Variants in CRACD observed in about 807,000 individuals in gnomAD.
CRACD encodes the protein capping protein-inhibiting regulator of actin dynamics.
A neutral mutation model predicts 106.8 loss-of-function variants in CRACD; 56 were observed. The observed-to-expected ratio is 0.52, with a 90% confidence interval of 0.42 to 0.66. The LOEUF (loss-of-function observed/expected upper bound fraction) is 0.66, where lower values mean the gene tolerates loss of function less well. Among genes scored for constraint, CRACD ranks in the 30% least tolerant of loss-of-function variants. CRACD has a pLI of 0.00. For synonymous variants in CRACD, 754 were observed against 670.8 expected, an observed-to-expected ratio of 1.12 and a Z score of -1.92; for missense variants, 1,730 against 1,623.2, an observed-to-expected ratio of 1.07 and a Z score of -1.13.
intron 2 of CRACD, among the ~76,000 whole-genome samples, chr4:56,228,683 C>T (rs987977537): frequency 5.4e-5 from 8 of 147,150 alleles, no homozygotes; most frequent in Non-Finnish European, 9.2e-5. Context: ...GTGTGGGTTG[C>T]GGAGAAATCG....
chr4:56,103,228 G>A (rs1436265039), intron 1 of CRACD, among the ~76,000 whole-genome samples: 1 of 152,310 alleles, frequency 6.6e-6, no homozygotes, highest in Non-Finnish European at 1.5e-5. Flanking sequence ...TTCAGGAAAA[G>A]AACAGTACCA....
At chr4:56,283,488 A>G (rs1363251390) in intron 3 of CRACD, among the ~76,000 whole-genome samples, 2 of 152,138 alleles carry the variant, frequency 1.3e-5, no homozygotes, top group East Asian at 3.8e-4. Context: ...CCTAGGGCAG[A>G]AATCAAAAGG....
chr4:56,159,198 A>AT (rs1735862755), intron 1 of CRACD, among the ~76,000 whole-genome samples: 1 of 152,252 alleles, frequency 6.6e-6, no homozygotes, highest in South Asian at 2.1e-4. Flanking sequence ...ACTGACTGCT[A>AT]TATCTCTAGT....
At chr4:56,103,094 G>A (rs925887398) in intron 1 of CRACD, among the ~76,000 whole-genome samples, 6 of 152,176 alleles carry the variant, frequency 3.9e-5, no homozygotes, top group Admixed American at 6.5e-5. Context: ...TTTTAGTAGT[G>A]TGCCTGAACT....
At chr4:56,188,711 C>CACACACACACAGAGAG (rs1446016845) in intron 2 of CRACD, among the ~76,000 whole-genome samples, 3 of 113,174 alleles carry the variant, frequency 2.7e-5, no homozygotes, top group Admixed American at 1.7e-4. Context: ...CACACACACA[C>CACACACACACAGAGAG]AGAGAGAGAG....
At chr4:56,159,969 C>T (rs561781384) in intron 1 of CRACD, among the ~76,000 whole-genome samples, 8 of 151,074 alleles carry the variant, frequency 5.3e-5, no homozygotes, top group Non-Finnish European at 7.4e-5. Context: ...TTAGTAGAGA[C>T]GGGGTTTCTC....
intron 6 of CRACD, among the ~76,000 whole-genome samples, chr4:56,312,382 CGAACTCCTGGCCTCAAGTGATCT>C (rs1002884415): frequency 6.6e-6 from 1 of 152,126 alleles, no homozygotes; most frequent in African/African-American, 2.4e-5. Flanking sequence ...AGACTGGTCT[CGAACTCCTGGCCTCAAGTGATCT>C]GCCCGCTTCA....
chr4:56,117,343 A>G (rs1282750899), intron 1 of CRACD, among the ~76,000 whole-genome samples: 2 of 152,128 alleles, frequency 1.3e-5, no homozygotes, highest in East Asian at 1.9e-4. Flanking sequence ...TTTTCAAATT[A>G]CTTTTCCATA....
chr4:56,145,823 C>T (rs1735359432), intron 1 of CRACD, among the ~76,000 whole-genome samples: 1 of 151,908 alleles, frequency 6.6e-6, no homozygotes, highest in South Asian at 2.1e-4. Context: ...GGAATTTTGC[C>T]ATGTTGCCTA....
intron 2 of CRACD, among the ~76,000 whole-genome samples, chr4:56,270,053 T>C (rs574611213): frequency 2.0e-5 from 3 of 152,276 alleles, no homozygotes; most frequent in African/African-American, 7.2e-5. Flanking sequence ...TGACACAACG[T>C]CGTTTCAGGG....
intron 1 of CRACD, among the ~76,000 whole-genome samples, chr4:56,125,436 G>A (rs890595510): frequency 6.6e-6 from 1 of 151,712 alleles, no homozygotes; most frequent in East Asian, 1.9e-4. Context: ...TAGAGACAGG[G>A]TCTTGCCCTG....
Position 56,328,545 on chromosome 4 carries a change from C to G in CRACD, c.*741C>G. The G allele has an allele frequency of 2.5e-6, 1 of 398,960 alleles. No homozygotes were observed. The highest frequency in any genetic ancestry group is 4.9e-6 in the Non-Finnish European group (1 of 203,560). 24.7% of individuals were successfully genotyped at this position (398,960 alleles called of 1,614,324 possible). On this transcript the variant is annotated 3_prime_UTR_variant, in exon 11 of 11. Transcript: ENST00000682029. ...TTTAATTTAATGTAGTGAAGAAAGA[C>G]AATTCTAGATCAGAGCTACAAGTTC...
At chr4:56,255,524 G>A (rs1741307020) in intron 2 of CRACD, among the ~76,000 whole-genome samples, 1 of 152,062 alleles carries the variant, frequency 6.6e-6, no homozygotes, top group African/African-American at 2.4e-5. Flanking sequence ...AGAAATCAGT[G>A]TCACTGCAAT....
At chr4:56,108,290 C>T (rs554840391) in intron 1 of CRACD, among the ~76,000 whole-genome samples, 82 of 152,174 alleles carry the variant, frequency 5.4e-4, no homozygotes, top group Non-Finnish European at 9.6e-4. Context: ...ATTAATACCC[C>T]TGATATGATA....
At chr4:56,077,575 A>G (rs1474502815) in intron 1 of CRACD, among the ~76,000 whole-genome samples, 1 of 152,172 alleles carries the variant, frequency 6.6e-6, no homozygotes, top group Non-Finnish European at 1.5e-5. Context: ...ATGCAAACAA[A>G]TTTCTTCCTT....
intron 2 of CRACD, among the ~76,000 whole-genome samples, chr4:56,254,419 C>G (rs1741226559): frequency 6.7e-6 from 1 of 149,800 alleles, no homozygotes; most frequent in Non-Finnish European, 1.5e-5. Context: ...TTTCTGTTCT[C>G]AGGTATCATA....
chr4:56,208,590 C>T (rs185099716), intron 2 of CRACD, among the ~76,000 whole-genome samples: 32 of 152,252 alleles, frequency 2.1e-4, no homozygotes, highest in African/African-American at 7.7e-4. Context: ...ATATTAACAA[C>T]GTATTCACTA....
At chr4:56,092,192 G>T (rs995790186) in intron 1 of CRACD, among the ~76,000 whole-genome samples, 1 of 152,210 alleles carries the variant, frequency 6.6e-6, no homozygotes, top group African/African-American at 2.4e-5. Context: ...GCCAGGGAAG[G>T]CATCACTGAG....
intron 2 of CRACD, among the ~76,000 whole-genome samples, chr4:56,207,185 C>A (rs1738162390): frequency 6.6e-6 from 1 of 152,222 alleles, no homozygotes; most frequent in Admixed American, 6.5e-5. Flanking sequence ...ACATATTCCT[C>A]CATGTGCAAC....
Sources: gnomAD v4.1 joint callset for allele counts (sites outside exome capture counted in the v4.1 genomes callset) on GRCh38, gnomAD v4.1.1 for gene constraint, MANE v1.5 for transcripts, NCBI Gene and HGNC (gene_info 2026-07-23, HGNC 2026-07-21) for gene names.